The following PLVAP variants were observed in gnomAD, a reference collection of about 807,000 sequenced individuals.
PLVAP encodes the protein plasmalemma vesicle-associated protein.
PLVAP carries 34 observed loss-of-function variants against 43.1 expected under a neutral mutation model. The observed-to-expected ratio is 0.79, with a 90% CI of 0.60 to 1.05. The LOEUF is 1.05. PLVAP is among the 50% of genes least tolerant of loss of function. The pLI, the probability that PLVAP is intolerant of heterozygous loss-of-function variation, is 0.00. For synonymous variants in PLVAP, 241 were observed against 237.3 expected, an observed-to-expected ratio of 1.02 and a Z score of -0.14; for missense variants, 574 against 593.4, an observed-to-expected ratio of 0.97 and a Z score of 0.34.
intron 5 of PLVAP, among the ~76,000 whole-genome samples, chr19:17,358,409 T>C (rs145239261): frequency 9.9e-5 from 15 of 152,040 alleles, no homozygotes; most frequent in Non-Finnish European, 2.2e-4. Flanking sequence ...AGAATGACAA[T>C]AGCTCCGTGG....
intron 1 of PLVAP, among the ~76,000 whole-genome samples, chr19:17,373,291 A>G (rs2145727305): frequency 6.6e-6 from 1 of 151,470 alleles, no homozygotes; most frequent in South Asian, 2.1e-4. Context: ...ATCTGGGGAG[A>G]CGGTGCTTTG....
At chr19:17,376,135 A>G (rs933997450) in intron 1 of PLVAP, among the ~76,000 whole-genome samples, 7 of 152,018 alleles carry the variant, frequency 4.6e-5, no homozygotes, top group African/African-American at 1.7e-4. Flanking sequence ...CTATGCTCAC[A>G]TCACTGTGCT....
chr19:17,376,811 G>A (rs4808628), intron 1 of PLVAP, 109 bp downstream of exon 1: 1,015,261 of 1,086,800 alleles, frequency 0.93, 477,528 homozygotes, highest in South Asian at 0.96. Flanking sequence ...AGAAAAGAGA[G>A]CATTGGTCCT....
chr19:17,361,838 G>C (rs1009960039), intron 3 of PLVAP, among the ~76,000 whole-genome samples: 3 of 152,010 alleles, frequency 2.0e-5, no homozygotes, highest in Admixed American at 1.3e-4. Context: ...GGGAAGCCGA[G>C]GTGGGCAGAT....
At position 17,372,593 on chromosome 19, in the gene PLVAP, A is replaced by G. The variant is rs1038169034; in HGVS notation, c.369+4327T>C. On this transcript the variant is annotated intron_variant, in intron 1 of 5. Coordinates refer to ENST00000252590, the MANE Select transcript of PLVAP (RefSeq NM_031310.3). ...TGCCTCAGCCTCCCGAGTAGCTGGG[A>G]CTACAGGCGCCCACCACCACACCTG... Among the ~76,000 whole-genome samples the G allele has an allele frequency of 4.0e-5, 6 of 148,962 alleles. No homozygotes were observed. The East Asian group carries it at 6.4e-4, about 16-fold the overall frequency.
intron 3 of PLVAP, among the ~76,000 whole-genome samples, chr19:17,364,034 C>A (rs1242866366): frequency 6.6e-6 from 1 of 151,898 alleles, no homozygotes; most frequent in African/African-American, 2.4e-5. Context: ...GCATGAGTCA[C>A]CGCGCCCGGC....
At chr19:17,366,255 C>T in intron 1 of PLVAP, 60 bp from the exon 2 acceptor site, 1 of 1,555,856 alleles carries the variant, frequency 6.4e-7, no homozygotes, top group African/African-American at 1.4e-5. Flanking sequence ...CCCAGGACTG[C>T]CTGGACCCAG....
rs1176990946 is a variant in PLVAP, at chr19:17,360,543, G to A, written c.1307C>T (p.Pro436Leu). 7.4e-6 allele frequency: 12 copies of A among 1,614,052 alleles called. No homozygotes were observed. The East Asian group carries it at 2.7e-4, about 36-fold the overall frequency. The change falls in exon 5 of 6, where the codon CCT (proline) becomes CTT (leucine). Residue 436 changes from proline to leucine, a missense_variant. Transcript: ENST00000252590. ...AGTGCCTTACCTGGATGGGGCTACA[G>A]GGATGCCTGCAGGGGGCCTCTGGGA... ...LESQRPPAGI[P>L]VAPSSG
At chr19:17,354,371 C>T (rs1267460628) in intron 5 of PLVAP, among the ~76,000 whole-genome samples, 1 of 151,886 alleles carries the variant, frequency 6.6e-6, no homozygotes, top group Non-Finnish European at 1.5e-5. Flanking sequence ...CGGAGGTGGG[C>T]GGATCACCTG....
chr19:17,368,699 C>T (rs775907233), intron 1 of PLVAP, among the ~76,000 whole-genome samples: 51 of 151,644 alleles, frequency 3.4e-4, no homozygotes, highest in South Asian at 6.3e-4. Flanking sequence ...TGGAACAGGC[C>T]GGCTATGGTG....
intron 5 of PLVAP, 122 bp downstream of exon 5, chr19:17,360,406 A>G: frequency 9.9e-7 from 1 of 1,008,038 alleles, no homozygotes; most frequent in Non-Finnish European, 1.5e-6. Flanking sequence ...GACCTAGTAT[A>G]CAGCAGGTGC....
chr19:17,363,020 A>G (rs919003492), intron 3 of PLVAP, among the ~76,000 whole-genome samples: 8 of 152,154 alleles, frequency 5.3e-5, no homozygotes, highest in Admixed American at 5.3e-4. Flanking sequence ...GCCGTAAAAG[A>G]ACCCACCAGC....
In PLVAP at chr19:17,377,253, A is replaced by C. The variant is rs775336763; in HGVS notation, c.36T>G (p.Ala12=). 2.5e-6 allele frequency: 4 copies of C among 1,613,492 alleles called. No individual in the cohort carries two copies. In the African/African-American group the frequency reaches 4.0e-5, roughly 16 times the overall value. Reference sequence around the variant, plus strand: ...AGCCCCGAGAGCTGCCCCCCGCCCGAGCGTAGGACCCTCCGTGCTCCATGG... The same window carrying C: ...AGCCCCGAGAGCTGCCCCCCGCCCGCGCGTAGGACCCTCCGTGCTCCATGG... ...GLAMEHGGSY[A]RAGGSSRGCW... is the part of the protein sequence containing the mutation. The change falls in exon 1 of 6, where the codon GCT becomes GCG. Residue 12 remains alanine, a synonymous_variant. Coordinates refer to ENST00000252590, the MANE Select transcript of PLVAP (RefSeq NM_031310.3).
chr19:17,360,189 T>C (rs1402153325), intron 5 of PLVAP, among the ~76,000 whole-genome samples: 1 of 152,174 alleles, frequency 6.6e-6, no homozygotes, highest in Non-Finnish European at 1.5e-5. Flanking sequence ...TGGTTTGCCC[T>C]ACTATTATTG....
At chr19:17,376,654 C>T (rs1266259737) in intron 1 of PLVAP, among the ~76,000 whole-genome samples, 2 of 151,162 alleles carry the variant, frequency 1.3e-5, no homozygotes, top group Non-Finnish European at 2.9e-5. Flanking sequence ...AAAAATGAGC[C>T]GGTTATGATG....
chr19:17,368,011 C>G (rs1446808488), intron 1 of PLVAP, among the ~76,000 whole-genome samples: 1 of 151,922 alleles, frequency 6.6e-6, no homozygotes, highest in Admixed American at 6.6e-5. Context: ...GATTCTCCTG[C>G]CTCAGCCTCC....
chr19:17,352,193 G>T lies in PLVAP; in HGVS notation c.*169C>A. 1 of 864,944 alleles carries T rather than the reference G, an allele frequency of 1.2e-6. No individual in the cohort carries two copies. The highest frequency in any genetic ancestry group is 1.8e-6 in the Non-Finnish European group (1 of 554,820). 53.6% of individuals were successfully genotyped at this position (864,944 alleles called of 1,614,324 possible). A position where few individuals can be genotyped will look rare whatever the true frequency, so the allele number is the denominator to read the frequency against. ...GGGTGAGGGATCGTGAGGCGCGGGT[G>T]CGGGTGTGAGAGGGTACTAGGGGTT... On this transcript the variant is annotated 3_prime_UTR_variant, in exon 6 of 6. Transcript: ENST00000252590.
chr19:17,370,794 C>T (rs1370498553), intron 1 of PLVAP, among the ~76,000 whole-genome samples: 6 of 152,138 alleles, frequency 3.9e-5, no homozygotes, highest in South Asian at 2.1e-4. Flanking sequence ...CGGTGGCTCA[C>T]GCCTGTAATC....
intron 1 of PLVAP, among the ~76,000 whole-genome samples, chr19:17,376,498 A>G (rs2059793930): frequency 6.8e-6 from 1 of 146,292 alleles, no homozygotes; most frequent in African/African-American, 2.5e-5. Context: ...TCTCTTAAGG[A>G]AAAAAAAAAA....
Sources: allele counts gnomAD v4.1 joint callset (sites outside exome capture counted in the v4.1 genomes callset), GRCh38; gene constraint gnomAD v4.1.1; transcripts MANE v1.5; gene names NCBI Gene and HGNC (gene_info 2026-07-23, HGNC 2026-07-21).